CLDN14: variants seen among roughly 807,000 people sequenced by gnomAD.
CLDN14 encodes claudin 14.
Under a neutral mutation model 2.1 loss-of-function variants are expected in CLDN14, and 2 were observed. The observed-to-expected ratio is 0.96, with a 90% CI of 0.39 to 3.01. The LOEUF (loss-of-function observed/expected upper bound fraction) is 3.01, where lower values mean the gene tolerates loss of function less well. Among genes scored for constraint, CLDN14 ranks in the 30% most tolerant of loss-of-function variants. CLDN14 has a pLI of 0.09. For synonymous variants in CLDN14, 136 were observed against 154.4 expected (o/e 0.88, Z 0.88); for missense variants, 298 against 328.0 (o/e 0.91, Z 0.71).
At chr21:36,542,219 T>C (rs1469237643) in intron 1 of CLDN14, among the ~76,000 whole-genome samples, 2 of 152,170 alleles carry the variant, frequency 1.3e-5, no homozygotes, top group Non-Finnish European at 2.9e-5. Flanking sequence ...CGCCTCGACC[T>C]CCTAAAGTGC....
At chr21:36,547,213 C>A (rs1719135405) in intron 1 of CLDN14, among the ~76,000 whole-genome samples, 1 of 152,156 alleles carries the variant, frequency 6.6e-6, no homozygotes, top group Non-Finnish European at 1.5e-5. Flanking sequence ...GGTATACACG[C>A]TGGAATATCA....
intron 1 of CLDN14, among the ~76,000 whole-genome samples, chr21:36,512,952 A>C (rs1388525156): frequency 1.3e-5 from 2 of 152,272 alleles, no homozygotes; most frequent in Non-Finnish European, 2.9e-5. Context: ...CAAAGCAAGT[A>C]CATGATTGAT....
rs1213391398 is a variant in CLDN14 at position 36,499,875 on chromosome 21, G to A, written c.-82+10488C>T. On this transcript the variant is annotated intron_variant, in intron 2 of 2. Transcript: ENST00000342108. This position sits in a 1 kb window ranked among gnomAD's most constrained non-coding sequence, Gnocchi z 4.7. Reference sequence around the variant, plus strand: ...GACGAGCAACATTTTCACAACATCAGGGGGCTGGTGGAGAAAATCGGGGGG... The same window carrying A: ...GACGAGCAACATTTTCACAACATCAAGGGGCTGGTGGAGAAAATCGGGGGG... Among the ~76,000 whole-genome samples, 2 of 151,952 alleles carry A rather than the reference G, an allele frequency of 1.3e-5. No individual in the cohort carries two copies. The highest frequency in any genetic ancestry group is 4.8e-5 in the African/African-American group (2 of 41,296).
rs1230435157 is a variant in CLDN14, at chr21:36,572,291, C to T, written c.-220+4120G>A. Reference sequence around the variant, plus strand: ...GGGTTGTGTGTGTGTGTGAACTGCGCGTGCTCCCCAAACAGGAAGACCCCA... The same window carrying T: ...GGGTTGTGTGTGTGTGTGAACTGCGTGTGCTCCCCAAACAGGAAGACCCCA... On this transcript the variant is annotated intron_variant, in intron 1 of 2. Transcript: ENST00000342108. Among the ~76,000 whole-genome samples, 3 of 151,982 alleles carry T rather than the reference C, an allele frequency of 2.0e-5. No individual in the cohort carries two copies. In the East Asian group the frequency reaches 5.8e-4, roughly 29 times the overall value.
At chr21:36,574,624 A>G (rs989003817) in intron 1 of CLDN14, among the ~76,000 whole-genome samples, 1 of 152,224 alleles carries the variant, frequency 6.6e-6, no homozygotes, top group Non-Finnish European at 1.5e-5. Flanking sequence ...TCTTGTTTTG[A>G]TTGGTGGTTA....
At chr21:36,483,599 G>T (rs149048360), upstream of CLDN14, among the ~76,000 whole-genome samples, 187 of 152,358 alleles carry the variant, frequency 1.2e-3, 1 homozygote, top group African/African-American at 4.2e-3. Context: ...GCAACTAGGA[G>T]TGCAGGTCAG....
Position 36,461,398 on chromosome 21 carries a change from T to C in CLDN14, c.298A>G (p.Ile100Val), listed in dbSNP as rs2086570996. 1.9e-6 allele frequency: 3 copies of C among 1,613,250 alleles called. No homozygotes were observed. Among genetic ancestry groups the C allele is most frequent in the Non-Finnish European group, 2.5e-6 (3 of 1,179,964 alleles). ...LSGIACACAV[I>V]GMKCTRCAKG... ...GCGCAGCGCGTGCACTTCATCCCGA[T>C]GACGGCGCAGGCGCAGGCTATGCCC... Residue 100 changes from isoleucine (I) to valine (V), a missense_variant, in exon 2 of 2, where the codon ATC becomes GTC. Coordinates refer to ENST00000399135, the MANE Select transcript of CLDN14 (RefSeq NM_001146079.2).
chr21:36,570,227 T>C (rs181093018), intron 1 of CLDN14, among the ~76,000 whole-genome samples: 2 of 152,340 alleles, frequency 1.3e-5, no homozygotes, highest in Non-Finnish European at 2.9e-5. Context: ...GATAAGGGAT[T>C]GTGGAGACCA....
At chr21:36,490,927 G>A (rs1223003411) in intron 2 of CLDN14, among the ~76,000 whole-genome samples, 1 of 147,462 alleles carries the variant, frequency 6.8e-6, no homozygotes, top group Non-Finnish European at 1.5e-5. Flanking sequence ...AACACGTGTG[G>A]GCACACACAT....
chr21:36,562,836 G>A (rs907942015), intron 1 of CLDN14, among the ~76,000 whole-genome samples: 1 of 151,914 alleles, frequency 6.6e-6, no homozygotes, highest in Admixed American at 6.6e-5. Context: ...CACTGGCCTG[G>A]GAATTCTAAT....
intron 2 of CLDN14, among the ~76,000 whole-genome samples, chr21:36,496,432 G>A (rs931621687): frequency 1.1e-4 from 5 of 47,400 alleles, no homozygotes; most frequent in African/African-American, 4.0e-4. Context: ...GTGAGACCTT[G>A]TTTCAAAAAA....
chr21:36,470,918 A>G (rs867849979), intron 1 of CLDN14, among the ~76,000 whole-genome samples: 19 of 152,368 alleles, frequency 1.2e-4, no homozygotes, highest in African/African-American at 4.1e-4. Context: ...ATAGATTGCA[A>G]TAAGCAGAGA....
chr21:36,461,059 G>T lies in CLDN14; in HGVS notation c.637C>A (p.Pro213Thr), dbSNP rs954075938. The T allele has an allele frequency of 6.2e-7, 1 of 1,613,940 alleles. No homozygotes were observed. Among genetic ancestry groups the T allele is most frequent in the African/African-American group, 1.3e-5 (1 of 74,932 alleles). ...TTANTAPAYQ[P>T]PAAYKDNRAP... ...CGATTGTCTTTGTAGGCAGCTGGTG[G>T]CTGGTAGGCAGGTGCGGTGTTTGCA... The change falls in exon 2 of 2, where the codon CCA (proline) becomes ACA (threonine). Residue 213 changes from proline to threonine, a missense_variant. By Grantham distance (38) the Pro-to-Thr change is conservative. Transcript: ENST00000399135.
At chr21:36,504,272 T>C (rs1407351086) in intron 2 of CLDN14, among the ~76,000 whole-genome samples, 1 of 151,948 alleles carries the variant, frequency 6.6e-6, no homozygotes, top group African/African-American at 2.4e-5. Flanking sequence ...CCTAGAAGTT[T>C]GAGGCTGAAG....
rs1174501963 is a variant in CLDN14, at chr21:36,479,475, C to T, written c.-82+20G>A. 6.8e-6 allele frequency: 1 copy of T among 146,530 alleles called. No individual in the cohort carries two copies. Among genetic ancestry groups the T allele is most frequent in the Non-Finnish European group, 1.5e-5 (1 of 66,648 alleles). The allele number at this position is 146,530 out of a possible 1,614,324, so 9.1% of individuals were successfully genotyped here. ...CCCCAGCCCGCCCACCCCACATCCA[C>T]AGCTTCACCCCAAACTCACATGCAG... is the stretch of plus-strand genomic sequence containing the variant. On this transcript the variant is annotated intron_variant, in intron 1 of 1. Coordinates refer to ENST00000399135, the MANE Select transcript of CLDN14 (RefSeq NM_001146079.2).
At chr21:36,486,413 C>T in intron 2 of CLDN14, 1 of 1,242,288 alleles carries the variant, frequency 8.0e-7, no homozygotes, top group Non-Finnish European at 1.2e-6. Context: ...CCTCATCCTG[C>T]CGCTGCTGCT....
At chr21:36,476,498 G>T (rs558055167) in intron 1 of CLDN14, among the ~76,000 whole-genome samples, 1 of 151,748 alleles carries the variant, frequency 6.6e-6, no homozygotes, top group Non-Finnish European at 1.5e-5. Context: ...TGTCACCCAG[G>T]CCGGAGCGCG....
At chr21:36,523,807 GAAAGAAAGAA>G (rs1325005289) in intron 1 of CLDN14, among the ~76,000 whole-genome samples, 1 of 126,426 alleles carries the variant, frequency 7.9e-6, no homozygotes, top group East Asian at 2.3e-4. Flanking sequence ...AAGAAAGAAA[GAAAGAAAGAA>G]AGAAAGAAAG....
intron 2 of CLDN14, among the ~76,000 whole-genome samples, chr21:36,501,332 CTTTTTTTT>C (rs58458004): frequency 0.011 from 520 of 48,372 alleles, 11 homozygotes; most frequent in African/African-American, 0.014. Flanking sequence ...CAATATCTCA[CTTTTTTTT>C]TTTTTTTTTT....
Sources: gnomAD v4.1 joint callset for allele counts (sites outside exome capture counted in the v4.1 genomes callset) on GRCh38, gnomAD v4.1.1 for gene constraint, Gnocchi (gnomAD v3.1) non-coding constraint, MANE v1.5 for transcripts, NCBI Gene and HGNC (gene_info 2026-07-23, HGNC 2026-07-21) for gene names.